The following CIMIP6 variants were observed in gnomAD, a reference collection of about 807,000 sequenced individuals.
The protein encoded by CIMIP6 is ciliary microtubule inner protein 6, also known as uncharacterized protein C2orf73.
At chr2:54,360,190 T>C in the CIMIP6 span, 1 of 1,538,970 alleles carries the variant, frequency 6.5e-7, no homozygotes, top group East Asian at 2.3e-5. Context: ...GTCGACTTTG[T>C]TTTCTTTTCC....
the CIMIP6 span, among the ~76,000 whole-genome samples, chr2:54,349,210 A>G: frequency 1.3e-5 from 2 of 152,120 alleles, no homozygotes; most frequent in East Asian, 3.8e-4. Context: ...TTTTTGCTAC[A>G]GTTATGCTTT....
the CIMIP6 span, among the ~76,000 whole-genome samples, chr2:54,363,462 T>C: frequency 6.6e-6 from 1 of 152,168 alleles, no homozygotes; most frequent in Non-Finnish European, 1.5e-5. Context: ...CACATGCAGT[T>C]CCCTAACTTT....
the CIMIP6 span, among the ~76,000 whole-genome samples, chr2:54,332,656 G>C: frequency 6.6e-6 from 1 of 151,916 alleles, no homozygotes; most frequent in African/African-American, 2.4e-5. Context: ...TTATCAACCC[G>C]TAGGCATTCA....
chr2:54,346,714 A>G, the CIMIP6 span, among the ~76,000 whole-genome samples: 2 of 152,130 alleles, frequency 1.3e-5, no homozygotes, highest in Non-Finnish European at 2.9e-5. Context: ...CCCCAAATCT[A>G]TTCCTTTCCA....
the CIMIP6 span, among the ~76,000 whole-genome samples, chr2:54,347,991 T>C: frequency 6.6e-6 from 1 of 152,224 alleles, no homozygotes; most frequent in Non-Finnish European, 1.5e-5. Context: ...ATTTAGTTCT[T>C]TTCTTCCTTA....
At chr2:54,348,477 G>T in the CIMIP6 span, among the ~76,000 whole-genome samples, 4 of 151,802 alleles carry the variant, frequency 2.6e-5, no homozygotes, top group Non-Finnish European at 5.9e-5. Context: ...TTGTATCCTA[G>T]GGTCTAGTAC....
At chr2:54,349,849 C>CT in the CIMIP6 span, among the ~76,000 whole-genome samples, 1,958 of 137,910 alleles carry the variant, frequency 0.014, 38 homozygotes, top group African/African-American at 0.042. Flanking sequence ...AAAAAGAAAT[C>CT]TTTTTTTTTT....
At chr2:54,352,674 A>G in the CIMIP6 span, among the ~76,000 whole-genome samples, 12 of 152,300 alleles carry the variant, frequency 7.9e-5, no homozygotes, top group African/African-American at 2.9e-4. Context: ...ACCCCTGTGG[A>G]TACCAAAATC....
the CIMIP6 span, among the ~76,000 whole-genome samples, chr2:54,331,920 G>A: frequency 6.6e-6 from 1 of 152,178 alleles, no homozygotes; most frequent in Non-Finnish European, 1.5e-5. Flanking sequence ...GTTAAAACAC[G>A]TTCCTGGGAA....
the CIMIP6 span, among the ~76,000 whole-genome samples, chr2:54,353,813 A>G: frequency 1.3e-5 from 2 of 152,090 alleles, no homozygotes; most frequent in Non-Finnish European, 2.9e-5. Flanking sequence ...CCAATCTGCC[A>G]TCTCTATTAG....
the CIMIP6 span, among the ~76,000 whole-genome samples, chr2:54,355,980 C>G: frequency 6.6e-6 from 1 of 152,130 alleles, no homozygotes; most frequent in African/African-American, 2.4e-5. Context: ...GGCTGAAGAC[C>G]AGGGTCTGGT....
chr2:54,345,817 T>TA, the CIMIP6 span, among the ~76,000 whole-genome samples: 256 of 152,318 alleles, frequency 1.7e-3, 2 homozygotes, highest in African/African-American at 5.8e-3. Context: ...ACACCCTACA[T>TA]ATCATTACAA....
the CIMIP6 span, among the ~76,000 whole-genome samples, chr2:54,377,578 C>A: frequency 6.6e-6 from 1 of 152,188 alleles, no homozygotes; most frequent in Admixed American, 6.5e-5. Flanking sequence ...CAGCACACCC[C>A]TGAGATTGCT....
the CIMIP6 span, among the ~76,000 whole-genome samples, chr2:54,375,885 G>GTGTGT: frequency 0.025 from 3,689 of 150,100 alleles, 140 homozygotes; most frequent in East Asian, 0.081. Flanking sequence ...TCATATAGGG[G>GTGTGT]GTGTGTGTGT....
the CIMIP6 span, among the ~76,000 whole-genome samples, chr2:54,381,598 T>C: frequency 6.6e-6 from 1 of 152,206 alleles, no homozygotes; most frequent in Non-Finnish European, 1.5e-5. Flanking sequence ...TTGCCTAATT[T>C]CAAACCCCAT....
chr2:54,376,825 A>G, the CIMIP6 span, among the ~76,000 whole-genome samples: 1 of 152,228 alleles, frequency 6.6e-6, no homozygotes, highest in Non-Finnish European at 1.5e-5. Context: ...ATTTGGAAAA[A>G]GTATTAGCTA....
the CIMIP6 span, among the ~76,000 whole-genome samples, chr2:54,348,396 C>G: frequency 1.3e-5 from 2 of 152,170 alleles, no homozygotes; most frequent in Admixed American, 6.5e-5. Flanking sequence ...GATTCTCTCT[C>G]TGTTCTTTTA....
the CIMIP6 span, among the ~76,000 whole-genome samples, chr2:54,344,730 A>G: frequency 6.7e-6 from 1 of 149,612 alleles, no homozygotes; most frequent in East Asian, 2.0e-4. Flanking sequence ...TCCCCTTCTT[A>G]TAAATGGACA....
the CIMIP6 span, among the ~76,000 whole-genome samples, chr2:54,334,223 T>C: frequency 0.12 from 18,238 of 152,228 alleles, 1,161 homozygotes; most frequent in Admixed American, 0.15. Context: ...TTTTAAAATA[T>C]TTTATTTTAG....
Sources: allele counts gnomAD v4.1 joint callset (sites outside exome capture counted in the v4.1 genomes callset), GRCh38; gene constraint gnomAD v4.1.1; transcripts MANE v1.5; gene names NCBI Gene and HGNC (gene_info 2026-07-23, HGNC 2026-07-21).